FAM20A: variants seen among roughly 807,000 people sequenced by gnomAD.
The protein encoded by FAM20A is FAM20A golgi associated secretory pathway pseudokinase.
In FAM20A, 42 loss-of-function variants were observed where a neutral mutation model predicts 52.0. The observed-to-expected ratio is 0.81, with a 90% CI of 0.63 to 1.04. The LOEUF is 1.04. FAM20A is among the 50% of genes least tolerant of loss of function. FAM20A has a pLI of 0.00. For missense variants in FAM20A, 742 were observed against 712.7 expected (o/e 1.04, Z -0.47); for synonymous variants, 304 against 298.9 (o/e 1.02, Z -0.18).
intron 1 of FAM20A, among the ~76,000 whole-genome samples, chr17:68,581,408 T>TTCTTTCTTTC (rs1555832140): frequency 2.7e-5 from 4 of 146,704 alleles, no homozygotes; most frequent in Non-Finnish European, 6.0e-5. Context: ...CTTTCTTTCT[T>TTCTTTCTTTC]TCTTTCTTTT....
rs1442054344 is a variant in FAM20A at position 68,536,026 on chromosome 17, C to T, written c.*1451G>A. 9 of 453,966 alleles carry T rather than the reference C, an allele frequency of 2.0e-5. No individual in the cohort carries two copies. Among genetic ancestry groups the T allele is most frequent in the South Asian group, 9.3e-5 (6 of 64,478 alleles). The allele number at this position is 453,966 out of a possible 1,614,324, so 28.1% of individuals were successfully genotyped here. ...GGAAACCTGTGTGTTGCTTCTGTAG[C>T]GTTGGTGAGTGCCTCACCTGGTCAG... On this transcript the variant is annotated 3_prime_UTR_variant, in exon 11 of 11. Coordinates refer to ENST00000592554, the MANE Select transcript of FAM20A (RefSeq NM_017565.4).
intron 1 of FAM20A, among the ~76,000 whole-genome samples, chr17:68,588,301 G>A (rs555285220): frequency 6.6e-6 from 1 of 152,274 alleles, no homozygotes; most frequent in African/African-American, 2.4e-5. Flanking sequence ...AGGAAGGAAA[G>A]GCCAAGAGGC....
rs141848647 is a variant in FAM20A at position 68,539,536 on chromosome 17, C to T, written c.1302-140G>A. On this transcript the variant is annotated intron_variant, in intron 9 of 10. Transcript: ENST00000592554. ...ATCATGGCAGCTGCCTCTCCAGCCC[C>T]TCTCCCCAGTCAGATCACAAAAGCA... 7.2e-4 allele frequency: 551 copies of T among 767,574 alleles called. 3 individuals are homozygous for T. The highest frequency in any genetic ancestry group is 5.9e-3 in the African/African-American group (347 of 58,920). 47.5% of individuals were successfully genotyped at this position (767,574 alleles called of 1,614,324 possible). A position where few individuals can be genotyped will look rare whatever the true frequency, so the allele number is the denominator to read the frequency against.
chr17:68,594,323 C>T (rs1357131557), intron 1 of FAM20A, among the ~76,000 whole-genome samples: 8 of 151,154 alleles, frequency 5.3e-5, no homozygotes, highest in Non-Finnish European at 1.0e-4. Context: ...GGCGTGAACC[C>T]GGGAGGCGGA....
intron 7 of FAM20A, chr17:68,541,463 ACTT>A (rs1382215960): frequency 1.1e-5 from 2 of 190,364 alleles, no homozygotes; most frequent in African/African-American, 4.7e-5. Flanking sequence ...CTGCCTGGTT[ACTT>A]CTTTTCCCAC....
chr17:68,598,492 A>G (rs748901367), intron 1 of FAM20A, among the ~76,000 whole-genome samples: 2 of 152,200 alleles, frequency 1.3e-5, no homozygotes, highest in Non-Finnish European at 2.9e-5. Context: ...AAAATGTCAC[A>G]TTTGAGCAAC....
intron 1 of FAM20A, among the ~76,000 whole-genome samples, chr17:68,582,847 G>A (rs1170396899): frequency 2.2e-5 from 3 of 139,218 alleles, no homozygotes; most frequent in African/African-American, 5.5e-5. Context: ...TGGATGGAGT[G>A]TAGTGGCATG....
intron 3 of FAM20A, 39 bp from the exon 4 acceptor site, chr17:68,551,990 G>A (rs1254539955): frequency 1.4e-6 from 2 of 1,386,278 alleles, no homozygotes; most frequent in African/African-American, 1.4e-5. Flanking sequence ...ATGCTTCCGG[G>A]CCTCAGCCAA....
At position 68,542,731 on chromosome 17, in the gene FAM20A, C is replaced by T. The variant is rs757896082; in HGVS notation, c.891G>A (p.Lys297=). The stretch of plus-strand genomic sequence containing the variant: ...AGAAAACACTCTGCAGGATTTCATT[C>T]TTGGTGACCTCTAGGATTTCCTTGG... ...NVTKEILEVT[K]NEILQSVFFV... is the part of the protein sequence containing the mutation. The change falls in exon 6 of 11, where the codon AAG becomes AAA. Residue 297 remains lysine (K), a synonymous_variant. Transcript: ENST00000592554. 12 of 1,614,042 alleles carry T rather than the reference C, an allele frequency of 7.4e-6. No homozygotes were observed. The highest frequency in any genetic ancestry group is 1.6e-4 in the Middle Eastern group (1 of 6,084).
intron 3 of FAM20A, among the ~76,000 whole-genome samples, 158 bp from the exon 4 acceptor site, chr17:68,552,109 A>G (rs1020980079): frequency 5.3e-5 from 8 of 152,146 alleles, no homozygotes; most frequent in Non-Finnish European, 1.0e-4. Flanking sequence ...GGTAAACGCC[A>G]TGGTGTCAGG....
At chr17:68,554,041 TATATACAC>T (rs888049236) in intron 3 of FAM20A, among the ~76,000 whole-genome samples, 31 of 131,176 alleles carry the variant, frequency 2.4e-4, no homozygotes, top group Admixed American at 5.2e-4. Flanking sequence ...CACACATGCA[TATATACAC>T]ATATACACAT....
chr17:68,559,629 C>T (rs982978020), intron 1 of FAM20A, among the ~76,000 whole-genome samples: 2 of 152,102 alleles, frequency 1.3e-5, no homozygotes, highest in African/African-American at 4.8e-5. Context: ...CATTTTAAAA[C>T]GTTTGATTTT....
At position 68,537,678 on chromosome 17, in the gene FAM20A, A is replaced by C; in HGVS notation, c.1425T>G (p.Asp475Glu). 1 of 1,613,818 alleles carries C rather than the reference A, an allele frequency of 6.2e-7. No homozygotes were observed. The highest frequency in any genetic ancestry group is 8.5e-7 in the Non-Finnish European group (1 of 1,179,892). ...CTTCCAGCAGTGATTCTCGCATCAC[A>C]TCGCTGAGTCTGTAGTCAGCTTGGG... ...LLAQADYRLS[D>E]VMRESLLEDQ... is the part of the protein sequence containing the mutation. Residue 475 changes from aspartate (D) to glutamate (E), a missense_variant, in exon 11 of 11, where the codon GAT (aspartate) becomes GAG (glutamate). Physicochemically the swap from Asp to Glu is conservative, Grantham distance 45. Transcript: ENST00000592554. This position sits in a 1 kb window ranked among gnomAD's most constrained non-coding sequence, Gnocchi z 4.2.
Position 68,537,510 on chromosome 17 carries a change from G to A in FAM20A, c.1593C>T (p.Ala531=), listed in dbSNP as rs747009042. Residue 531 remains alanine, a synonymous_variant, in exon 11 of 11, where the codon GCC becomes GCT. Transcript: ENST00000592554. The surrounding 1 kb of genome is among the most constrained non-coding windows in gnomAD (Gnocchi z 4.2). The stretch of plus-strand genomic sequence containing the variant: ...TCAAGTTAGCCTGGCCAGAGTCTGG[G>A]GCCAACTGTTCCACTGGGCCGTCGA... ...VIVDGPVEQL[A]PDSGQANLTS 30 of 1,613,968 alleles carry A rather than the reference G, an allele frequency of 1.9e-5. No individual in the cohort carries two copies. The highest frequency in any genetic ancestry group is 2.5e-5 in the Non-Finnish European group (29 of 1,179,984).
chr17:68,562,879 G>A (rs1180136384), intron 1 of FAM20A, among the ~76,000 whole-genome samples: 1 of 152,176 alleles, frequency 6.6e-6, no homozygotes, highest in Non-Finnish European at 1.5e-5. Flanking sequence ...TGAGAAGACT[G>A]TACATGAAGA....
intron 3 of FAM20A, among the ~76,000 whole-genome samples, chr17:68,553,665 T>C (rs964066926): frequency 7.2e-5 from 11 of 152,142 alleles, no homozygotes; most frequent in East Asian, 1.9e-4. Context: ...CCGTCTGAAC[T>C]TGAATCAAAA....
chr17:68,580,227 T>G (rs1313604249), intron 1 of FAM20A, among the ~76,000 whole-genome samples: 1 of 152,212 alleles, frequency 6.6e-6, no homozygotes, highest in Non-Finnish European at 1.5e-5. Context: ...GAATTTAATT[T>G]GAATTTCCTT....
rs149191906 is a variant in FAM20A at position 68,600,472 on chromosome 17, G to A, written c.195C>T (p.Gly65=). ...RDSAAAASDP[G]TIVHNFSRTE... ...TTCGGGAAAAGTTGTGCACGATCGT[G>A]CCGGGGTCCGAGGCAGCTGCGGCCG... Residue 65 remains glycine (G), a synonymous_variant, in exon 1 of 11, where the codon GGC becomes GGT. Transcript: ENST00000592554. This position sits in a 1 kb window ranked among gnomAD's most constrained non-coding sequence, Gnocchi z 6.2. The A allele has an allele frequency of 1.1e-5, 18 of 1,606,344 alleles. No homozygotes were observed. In the African/African-American group the frequency reaches 2.3e-4, roughly 20 times the overall value.
At chr17:68,555,844 A>T (rs1464619966) in intron 1 of FAM20A, 101 bp from the exon 2 acceptor site, 1 of 1,337,888 alleles carries the variant, frequency 7.5e-7, no homozygotes, top group African/African-American at 1.4e-5. Context: ...TTTATTCCAC[A>T]AGTGTATTAA....
Sources: allele counts gnomAD v4.1 joint callset (sites outside exome capture counted in the v4.1 genomes callset), GRCh38; gene constraint gnomAD v4.1.1; non-coding constraint Gnocchi (gnomAD v3.1); transcripts MANE v1.5; gene names NCBI Gene and HGNC (gene_info 2026-07-23, HGNC 2026-07-21).